Variants in ELOC observed in about 807,000 individuals in gnomAD.
ELOC encodes the protein elongin-C.
For synonymous variants in ELOC, 40 were observed against 51.3 expected (o/e 0.78, Z 0.94); for missense variants, 38 against 139.0 (o/e 0.27, Z 3.65).
At chr8:73,950,279 G>GT (rs1813663280) in intron 3 of ELOC, among the ~76,000 whole-genome samples, 1 of 152,150 alleles carries the variant, frequency 6.6e-6, no homozygotes, top group Admixed American at 6.6e-5. Flanking sequence ...CTGAGCACCA[G>GT]TAAGAATGAC....
At chr8:73,966,578 A>G (rs982483437) in intron 1 of ELOC, among the ~76,000 whole-genome samples, 9 of 151,082 alleles carry the variant, frequency 6.0e-5, no homozygotes, top group African/African-American at 2.2e-4. Context: ...CTCAACCTTC[A>G]GAGCTCAAAG....
At chr8:73,971,268 G>A (rs1478853905) in intron 1 of ELOC, among the ~76,000 whole-genome samples, 1 of 152,046 alleles carries the variant, frequency 6.6e-6, no homozygotes, top group East Asian at 1.9e-4. Flanking sequence ...CAGGCGTGGT[G>A]GCATGCGCCT....
intron 3 of ELOC, among the ~76,000 whole-genome samples, chr8:73,947,276 C>T (rs1341033382): frequency 1.3e-5 from 2 of 152,180 alleles, no homozygotes; most frequent in East Asian, 1.9e-4. Context: ...CATGAGCCAC[C>T]GCGCCCGGCC....
chr8:73,951,643 A>C (rs954071976), intron 3 of ELOC, among the ~76,000 whole-genome samples: 3 of 106,276 alleles, frequency 2.8e-5, no homozygotes, highest in Admixed American at 2.1e-4. Context: ...CAAACAAAAA[A>C]CCCCACAACA....
At chr8:73,952,262 G>A (rs1442670458) in intron 3 of ELOC, among the ~76,000 whole-genome samples, 1 of 151,918 alleles carries the variant, frequency 6.6e-6, no homozygotes, top group Non-Finnish European at 1.5e-5. Flanking sequence ...AAACTAGCCA[G>A]GTGTGGTGGT....
At chr8:73,963,526 C>T (rs1348493598) in intron 1 of ELOC, among the ~76,000 whole-genome samples, 1 of 152,164 alleles carries the variant, frequency 6.6e-6, no homozygotes, top group Non-Finnish European at 1.5e-5. Context: ...TGCATCCCGT[C>T]ATTTTTTTTG....
chr8:73,968,515 T>C (rs1392097339), intron 1 of ELOC, among the ~76,000 whole-genome samples: 5 of 152,346 alleles, frequency 3.3e-5, no homozygotes, highest in Admixed American at 3.3e-4. Flanking sequence ...TGTGTATTAA[T>C]CATAGATTCT....
At chr8:73,954,485 C>A (rs904850199) in intron 3 of ELOC, among the ~76,000 whole-genome samples, 7 of 151,834 alleles carry the variant, frequency 4.6e-5, no homozygotes, top group African/African-American at 9.7e-5. Context: ...GAAACCCCGT[C>A]TCTACTAAAA....
intron 3 of ELOC, among the ~76,000 whole-genome samples, chr8:73,951,113 A>T (rs971253023): frequency 1.3e-5 from 2 of 152,056 alleles, no homozygotes; most frequent in Admixed American, 6.6e-5. Flanking sequence ...TCTACTAAAA[A>T]TACTAAAATT....
intron 1 of ELOC, among the ~76,000 whole-genome samples, chr8:73,967,380 G>C (rs1233832218): frequency 6.6e-6 from 1 of 151,950 alleles, no homozygotes; most frequent in Non-Finnish European, 1.5e-5. Context: ...AGCAGCCACA[G>C]ACAAGATGTA....
rs1294238789 is a variant in ELOC at position 73,956,131 on chromosome 8, T to C, written c.5-77A>G. On this transcript the variant is annotated intron_variant, in intron 2 of 3. Coordinates refer to ENST00000520242, the MANE Select transcript of ELOC (RefSeq NM_005648.4). Reference sequence around the variant, plus strand: ...ACTAAACAGGTTTGGCTGGGCGCAGTGGCTCACGCCTGTAATCCCAGCACT... The same window carrying C: ...ACTAAACAGGTTTGGCTGGGCGCAGCGGCTCACGCCTGTAATCCCAGCACT... The C allele has an allele frequency of 3.1e-5, 44 of 1,411,504 alleles. 1 individual carries two copies. Among genetic ancestry groups the C allele is most frequent in the South Asian group, 3.9e-5 (3 of 77,774 alleles). 87.4% of individuals were successfully genotyped at this position (1,411,504 alleles called of 1,614,324 possible). A position where few individuals can be genotyped will look rare whatever the true frequency, so the allele number is the denominator to read the frequency against.
intron 3 of ELOC, among the ~76,000 whole-genome samples, chr8:73,954,433 C>A (rs540783003): frequency 1.3e-5 from 2 of 150,406 alleles, no homozygotes; most frequent in Non-Finnish European, 3.0e-5. Flanking sequence ...CTGAGGCAGG[C>A]GGATCACAAG....
Position 73,968,308 on chromosome 8 carries a change from C to A in ELOC, c.-51+3769G>T, listed in dbSNP as rs1815125748. 2.0e-5 allele frequency among the ~76,000 whole-genome samples: 3 copies of A among 152,264 alleles called. No individual in the cohort carries two copies. The South Asian group carries it at 6.2e-4, about 32-fold the overall frequency. On this transcript the variant is annotated intron_variant, in intron 1 of 3. Transcript: ENST00000520242. ...TCTGAAATTCATCCTTCCCAGACAA[C>A]CACCTATAACTCAGCTTCCCATGTT...
rs1586629519 is a variant in ELOC at position 73,971,916 on chromosome 8, A to C, written c.-51+161T>G. The C allele has an allele frequency of 2.0e-5, 3 of 152,048 alleles. No homozygotes were observed. The South Asian group carries it at 6.2e-4, about 32-fold the overall frequency. The allele number at this position is 152,048 out of a possible 1,614,324, so 9.4% of individuals were successfully genotyped here. A position where few individuals can be genotyped will look rare whatever the true frequency, so the allele number is the denominator to read the frequency against. On this transcript the variant is annotated intron_variant, in intron 1 of 3. Transcript: ENST00000520242. ...CCGCCGCCCTCTTCTCCCCTCCCCCAAACTAGGGGCTGGGGAGGCCCAAGG... is the reference window on the plus strand; with the variant it reads ...CCGCCGCCCTCTTCTCCCCTCCCCCCAACTAGGGGCTGGGGAGGCCCAAGG...
At chr8:73,955,229 G>C (rs1038844575) in intron 3 of ELOC, among the ~76,000 whole-genome samples, 1 of 152,110 alleles carries the variant, frequency 6.6e-6, no homozygotes, top group Non-Finnish European at 1.5e-5. Context: ...CGCACTTTGC[G>C]AAGCTGAGGC....
chr8:73,970,822 C>T (rs1363491070), intron 1 of ELOC, among the ~76,000 whole-genome samples: 2 of 147,286 alleles, frequency 1.4e-5, no homozygotes, highest in Admixed American at 1.4e-4. Flanking sequence ...GGAGTCCAGC[C>T]TGACCAACAT....
At chr8:73,959,109 G>A (rs1001276076) in intron 2 of ELOC, among the ~76,000 whole-genome samples, 2 of 152,184 alleles carry the variant, frequency 1.3e-5, no homozygotes, top group African/African-American at 4.8e-5. Context: ...CACGATGAAT[G>A]GAGTCTGCAG....
At position 73,956,476 on chromosome 8, in the gene ELOC, A is replaced by G. The variant is rs559994003; in HGVS notation, c.5-422T>C. ...ACCAGAAACATTTCTGGAAGGTATT[A>G]TAATAGTCACCAAGACATTAACAGT... On this transcript the variant is annotated intron_variant, in intron 2 of 3. Coordinates refer to ENST00000520242, the MANE Select transcript of ELOC (RefSeq NM_005648.4). 2.6e-5 allele frequency among the ~76,000 whole-genome samples: 4 copies of G among 152,374 alleles called. No homozygotes were observed. The South Asian group carries it at 8.3e-4, about 32-fold the overall frequency.
At chr8:73,953,894 G>A (rs982949507) in intron 3 of ELOC, among the ~76,000 whole-genome samples, 1 of 152,116 alleles carries the variant, frequency 6.6e-6, no homozygotes, top group East Asian at 1.9e-4. Flanking sequence ...GTACACAAGT[G>A]TTCACAGAAC....
Sources: gnomAD v4.1 joint callset for allele counts (sites outside exome capture counted in the v4.1 genomes callset) on GRCh38, gnomAD v4.1.1 for gene constraint, MANE v1.5 for transcripts, NCBI Gene and HGNC (gene_info 2026-07-23, HGNC 2026-07-21) for gene names.